PCDHA8: variants seen among roughly 807,000 people sequenced by gnomAD.
PCDHA8 encodes protocadherin alpha 8.
In PCDHA8, 53 loss-of-function variants were observed where a neutral mutation model predicts 61.8. That is an observed-to-expected ratio of 0.86 (90% CI 0.69 to 1.08). The LOEUF is 1.08. PCDHA8 is among the 50% of genes least tolerant of loss of function. The probability of loss-of-function intolerance (pLI) is 0.00; values close to 1 mark genes in which losing one functional copy is unlikely to be tolerated. For missense variants in PCDHA8, 1,293 were observed against 1,245.0 expected (o/e 1.04, Z -0.58); for synonymous variants, 618 against 556.6 (o/e 1.11, Z -1.55).
chr5:140,927,702 C>A lies in PCDHA8; in HGVS notation c.2395-51247C>A, dbSNP rs533775539. ...AAGGGTCCAATGGGGAAGTCCAGTACTCCCTAAGCAACAGCACGCAAGCAG... is the reference window on the plus strand; with the variant it reads ...AAGGGTCCAATGGGGAAGTCCAGTAATCCCTAAGCAACAGCACGCAAGCAG... On this transcript the variant is annotated intron_variant, in intron 1 of 3. Coordinates refer to ENST00000531613, the MANE Select transcript of PCDHA8 (RefSeq NM_018911.3). 6.8e-6 allele frequency: 11 copies of A among 1,614,092 alleles called. 1 individual carries two copies. The South Asian group carries it at 1.2e-4, about 18-fold the overall frequency.
intron 3 of PCDHA8, among the ~76,000 whole-genome samples, chr5:141,001,290 G>A (rs2098005878): frequency 6.6e-6 from 1 of 152,100 alleles, no homozygotes; most frequent in Non-Finnish European, 1.5e-5. Flanking sequence ...GATGAAAACT[G>A]AGGCCCAGAG....
In PCDHA8 at chr5:140,858,081, C is replaced by G. The variant is rs782778779; in HGVS notation, c.2394+14366C>G. 1.0e-5 allele frequency: 16 copies of G among 1,597,646 alleles called. No individual in the cohort carries two copies. Among genetic ancestry groups the G allele is most frequent in the Admixed American group, 1.7e-5 (1 of 59,270 alleles). On this transcript the variant is annotated intron_variant, in intron 1 of 3. Transcript: ENST00000531613. The stretch of plus-strand genomic sequence containing the variant: ...GAGGGCAGCCAGGCACCCAAGGCCT[C>G]GTCGCGGGCTTCAGTGGGCGTGGCG...
Position 140,875,458 on chromosome 5 carries a change from C to T in PCDHA8, c.2394+31743C>T, listed in dbSNP as rs149655466. ...AAAACTGATTGTCCCAACTCAGAGG[C>T]CCTCATTTTCTGCAATGGTGATTAT... On this transcript the variant is annotated intron_variant, in intron 1 of 3. Transcript: ENST00000531613. The T allele has an allele frequency of 1.1e-3, 1,729 of 1,596,942 alleles. 10 individuals are homozygous for T. In the African/African-American group the frequency reaches 0.015, roughly 14 times the overall value.
intron 1 of PCDHA8, chr5:140,927,469 C>T (rs17844359): frequency 6.2e-7 from 1 of 1,614,082 alleles, no homozygotes; most frequent in Non-Finnish European, 8.5e-7. Context: ...AGCACTGGAT[C>T]GCGAACAGCG....
intron 1 of PCDHA8, chr5:140,869,665 C>G: frequency 6.2e-7 from 1 of 1,613,338 alleles, no homozygotes; most frequent in Non-Finnish European, 8.5e-7. Flanking sequence ...AAATGGTAAG[C>G]AGATTAAAAG....
rs1478449575 is a variant in PCDHA8 at position 141,010,392 on chromosome 5, G to A, written c.*455G>A. The stretch of plus-strand genomic sequence containing the variant: ...GCGAGTGCCAGATATTGGCTGAGAC[G>A]AGCCAGCTTAGACTAATTGGTACAA... On this transcript the variant is annotated 3_prime_UTR_variant, in exon 4 of 4. Transcript: ENST00000531613. The A allele has an allele frequency of 8.0e-6, 11 of 1,381,722 alleles. No individual in the cohort carries two copies. The highest frequency in any genetic ancestry group is 7.3e-5 in the African/African-American group (5 of 68,772). The allele number at this position is 1,381,722 out of a possible 1,614,324, so 85.6% of individuals were successfully genotyped here. A position where few individuals can be genotyped will look rare whatever the true frequency, so the allele number is the denominator to read the frequency against.
intron 1 of PCDHA8, among the ~76,000 whole-genome samples, chr5:140,905,814 G>T (rs1303983123): frequency 6.6e-6 from 1 of 152,090 alleles, no homozygotes; most frequent in Non-Finnish European, 1.5e-5. Flanking sequence ...GAATTAATAG[G>T]CTAGATGTGT....
rs1479921830 is a variant in PCDHA8 at position 140,876,971 on chromosome 5, G to A, written c.2394+33256G>A. The A allele has an allele frequency of 1.9e-6, 3 of 1,612,696 alleles. No homozygotes were observed. In the African/African-American group the frequency reaches 4.0e-5, roughly 22 times the overall value. On this transcript the variant is annotated intron_variant, in intron 1 of 3. Coordinates refer to ENST00000531613, the MANE Select transcript of PCDHA8 (RefSeq NM_018911.3). ...TACTCGCTGGTGGAGCGGCGGGTGG[G>A]CGAGCACGCACTGTCGAGCTACGTG...
chr5:140,886,317 G>A (rs1323122893), intron 1 of PCDHA8, among the ~76,000 whole-genome samples: 2 of 151,612 alleles, frequency 1.3e-5, no homozygotes, highest in Non-Finnish European at 2.9e-5. Context: ...TACACTTTAA[G>A]TTCTGGGATA....
chr5:140,928,450 G>C, intron 1 of PCDHA8: 2 of 1,614,146 alleles, frequency 1.2e-6, no homozygotes, highest in Non-Finnish European at 8.5e-7. Flanking sequence ...GCAGCTCAGG[G>C]GGTTTCATTT....
In PCDHA8 at chr5:140,982,553, T is replaced by A. The variant is rs782605920; in HGVS notation, c.2532T>A (p.Ser844Arg). The A allele has an allele frequency of 1.9e-5, 30 of 1,614,054 alleles. No homozygotes were observed. In the South Asian group the frequency reaches 3.2e-4, roughly 17 times the overall value. ...GPDQQWPTVS[S>R]ATPEPEAGEV... ...ATCAGCAGTGGCCAACAGTATCCAG[T>A]GCAACACCAGGTAAAGAGCTGGGGT... The change falls in exon 3 of 4, where the codon AGT (serine) becomes AGA (arginine). Residue 844 changes from serine (S) to arginine (R), a missense_variant. Transcript: ENST00000531613.
intron 1 of PCDHA8, chr5:140,928,054 A>T (rs2084892451): frequency 1.2e-6 from 2 of 1,613,994 alleles, no homozygotes; most frequent in Non-Finnish European, 1.7e-6. Flanking sequence ...TTTTCAGCTG[A>T]CGGCTTCCTT....
intron 1 of PCDHA8, chr5:140,875,686 G>A: frequency 6.2e-7 from 1 of 1,613,582 alleles, no homozygotes; most frequent in Non-Finnish European, 8.5e-7. Flanking sequence ...CAAAAGACAC[G>A]GGGACCTTCT....
intron 1 of PCDHA8, chr5:140,847,434 A>T (rs1554141788): frequency 1.3e-5 from 2 of 149,796 alleles, no homozygotes; most frequent in East Asian, 3.9e-4. Flanking sequence ...TAGACTTGAG[A>T]TACACTAAAA....
intron 1 of PCDHA8, chr5:140,867,342 T>C (rs1397691528): frequency 6.6e-6 from 1 of 152,154 alleles, no homozygotes; most frequent in Non-Finnish European, 1.5e-5. Flanking sequence ...GATTAGAGGC[T>C]ACTATGATTG....
intron 1 of PCDHA8, chr5:140,884,562 A>G (rs782650365): frequency 3.1e-6 from 5 of 1,614,166 alleles, no homozygotes; most frequent in Admixed American, 1.7e-5. Flanking sequence ...GAGGGCCCGC[A>G]TAAGACGGAC....
chr5:140,884,150 A>G (rs782776110), intron 1 of PCDHA8: 14 of 1,613,346 alleles, frequency 8.7e-6, no homozygotes, highest in Non-Finnish European at 1.1e-5. Context: ...GGGGCTGTAC[A>G]CTGGCGAGAT....
intron 1 of PCDHA8, chr5:140,870,427 G>C: frequency 6.2e-7 from 1 of 1,614,220 alleles, no homozygotes; most frequent in Non-Finnish European, 8.5e-7. Context: ...CAGGGTATCC[G>C]TGGAGGTGGC....
chr5:140,992,258 A>G (rs1316409303), intron 3 of PCDHA8, among the ~76,000 whole-genome samples: 1 of 152,168 alleles, frequency 6.6e-6, no homozygotes, highest in African/African-American at 2.4e-5. Flanking sequence ...GCTAAAGATG[A>G]AAGTTCTTTT....
Sources: allele counts gnomAD v4.1 joint callset (sites outside exome capture counted in the v4.1 genomes callset), GRCh38; gene constraint gnomAD v4.1.1; transcripts MANE v1.5; gene names NCBI Gene and HGNC (gene_info 2026-07-23, HGNC 2026-07-21).